Variants in DPP10 observed in about 807,000 individuals in gnomAD.
DPP10 encodes inactive dipeptidyl peptidase 10.
Under a neutral mutation model 120.9 loss-of-function variants are expected in DPP10, and 33 were observed. That is an observed-to-expected ratio of 0.27 (90% confidence interval 0.21 to 0.37). DPP10 has a LOEUF of 0.37. Ranked by LOEUF, DPP10 falls within the 10% of genes least tolerant of loss-of-function variation. The pLI, the probability that DPP10 is intolerant of heterozygous loss-of-function variation, is 1.00. For synonymous variants in DPP10, 337 were observed against 326.1 expected, an observed-to-expected ratio of 1.03 and a Z score of -0.36; for missense variants, 816 against 942.8, an observed-to-expected ratio of 0.87 and a Z score of 1.76.
At chr2:115,100,399 T>C (rs2048624742) in intron 1 of DPP10, among the ~76,000 whole-genome samples, 1 of 152,094 alleles carries the variant, frequency 6.6e-6, no homozygotes, top group Admixed American at 6.5e-5. Context: ...CAGTGAGTTA[T>C]AATCTTGCCA....
intron 1 of DPP10, among the ~76,000 whole-genome samples, chr2:114,648,895 T>C (rs1196584960): frequency 2.6e-5 from 4 of 152,152 alleles, no homozygotes; most frequent in African/African-American, 9.7e-5. Context: ...CAGAGGAAAA[T>C]GTGGGAAAAT....
At chr2:114,740,388 A>G (rs750020258) in intron 1 of DPP10, among the ~76,000 whole-genome samples, 4 of 144,044 alleles carry the variant, frequency 2.8e-5, no homozygotes, top group Admixed American at 6.9e-5. Flanking sequence ...GGATAGCATT[A>G]GGAGATATAC....
chr2:115,625,398 A>T (rs1169208614), intron 5 of DPP10, among the ~76,000 whole-genome samples: 1 of 152,152 alleles, frequency 6.6e-6, no homozygotes, highest in Non-Finnish European at 1.5e-5. Flanking sequence ...AGCCAGATCA[A>T]ATTGATATGA....
intron 1 of DPP10, among the ~76,000 whole-genome samples, chr2:114,721,510 A>G (rs1264604763): frequency 6.6e-6 from 1 of 152,220 alleles, no homozygotes; most frequent in Admixed American, 6.5e-5. Flanking sequence ...AAAGAAGCAT[A>G]ACTGACTTAG....
At chr2:115,309,211 T>TA (rs1476749255) in intron 1 of DPP10, 28 bp from the exon 2 acceptor site, 1 of 1,585,992 alleles carries the variant, frequency 6.3e-7, no homozygotes, top group South Asian at 1.1e-5. Flanking sequence ...CATGAATAAT[T>TA]ACAAAACTTT....
At chr2:115,594,720 C>G (rs2082886070) in intron 5 of DPP10, among the ~76,000 whole-genome samples, 1 of 152,124 alleles carries the variant, frequency 6.6e-6, no homozygotes, top group African/African-American at 2.4e-5. Context: ...TGATAAACCA[C>G]TTTTTGAGGA....
intron 1 of DPP10, among the ~76,000 whole-genome samples, chr2:115,103,873 C>T (rs2048818526): frequency 6.6e-6 from 1 of 152,124 alleles, no homozygotes; most frequent in South Asian, 2.1e-4. Context: ...ATCCAAAATG[C>T]TTAGGACCAG....
At position 115,690,292 on chromosome 2, in the gene DPP10, A is replaced by C. The variant is rs6733121; in HGVS notation, c.576+371A>C. ...TTTCTTAAAGCATTGTTCAGGGTAA[A>C]AATTTAGACAGAATTATTTAATATT... On this transcript the variant is annotated intron_variant, in intron 7 of 25. Transcript: ENST00000410059. Among the ~76,000 whole-genome samples, 648 of 152,298 alleles carry C rather than the reference A, an allele frequency of 4.3e-3. 6 individuals are homozygous for C. Among genetic ancestry groups the C allele is most frequent in the African/African-American group, 0.015 (625 of 41,568 alleles).
intron 1 of DPP10, among the ~76,000 whole-genome samples, chr2:114,904,018 T>C (rs1447426899): frequency 6.6e-6 from 1 of 152,244 alleles, no homozygotes; most frequent in Admixed American, 6.5e-5. Context: ...AAATAGATTT[T>C]GGTACCAGGA....
At chr2:114,475,299 T>C (rs1450777818) in intron 1 of DPP10, among the ~76,000 whole-genome samples, 1 of 152,208 alleles carries the variant, frequency 6.6e-6, no homozygotes, top group Non-Finnish European at 1.5e-5. Context: ...GTGAGGGTGC[T>C]ATATAATATT....
At chr2:114,453,755 G>C (rs1441672019) in intron 1 of DPP10, among the ~76,000 whole-genome samples, 1 of 152,054 alleles carries the variant, frequency 6.6e-6, no homozygotes, top group Non-Finnish European at 1.5e-5. Context: ...TTTGACTTTT[G>C]TTTGCTATAT....
At chr2:114,477,728 T>G (rs774224744) in intron 1 of DPP10, among the ~76,000 whole-genome samples, 1 of 151,182 alleles carries the variant, frequency 6.6e-6, no homozygotes, top group Admixed American at 6.6e-5. Context: ...TATATACATA[T>G]ATACACATAC....
intron 1 of DPP10, among the ~76,000 whole-genome samples, chr2:114,801,049 G>C (rs746717766): frequency 1.3e-5 from 2 of 151,942 alleles, no homozygotes; most frequent in Non-Finnish European, 2.9e-5. Flanking sequence ...AGATCACGAG[G>C]TCAGGAGATC....
At chr2:115,006,546 A>G (rs1381369069) in intron 1 of DPP10, among the ~76,000 whole-genome samples, 1 of 149,226 alleles carries the variant, frequency 6.7e-6, no homozygotes, top group South Asian at 2.2e-4. Flanking sequence ...ATGGAAAACA[A>G]AAAAAGGCAG....
rs144955333 is a variant in DPP10 at position 114,718,583 on chromosome 2, G to A, written c.60+275745G>A. On this transcript the variant is annotated intron_variant, in intron 1 of 25. Transcript: ENST00000410059. Reference sequence around the variant, plus strand: ...TAAGAACCAATGTTTTTGGTCACAGGTAACTTGGTAAGAGAAGTTTGACAC... The same window carrying A: ...TAAGAACCAATGTTTTTGGTCACAGATAACTTGGTAAGAGAAGTTTGACAC... Among the ~76,000 whole-genome samples, 537 of 152,158 alleles carry A rather than the reference G, an allele frequency of 3.5e-3. 3 individuals carry two copies. Among genetic ancestry groups the A allele is most frequent in the African/African-American group, 0.012 (504 of 41,510 alleles).
chr2:115,556,636 A>G (rs1443978565), intron 5 of DPP10, among the ~76,000 whole-genome samples: 1 of 152,062 alleles, frequency 6.6e-6, no homozygotes, highest in South Asian at 2.1e-4. Flanking sequence ...ATTCACTTTC[A>G]AGCACCCGTT....
chr2:115,710,877 ACC>A, intron 7 of DPP10, among the ~76,000 whole-genome samples: 1 of 152,222 alleles, frequency 6.6e-6, no homozygotes, highest in South Asian at 2.1e-4. Context: ...AAAGGTCATA[ACC>A]TTCAATAATA....
chr2:115,173,456 A>G (rs1001741231), intron 1 of DPP10, among the ~76,000 whole-genome samples: 1 of 152,210 alleles, frequency 6.6e-6, no homozygotes, highest in African/African-American at 2.4e-5. Flanking sequence ...CTGTAACAAG[A>G]AAAAGGTATT....
rs910031178 is a variant in DPP10, at chr2:114,459,095, A to G, written c.60+16257A>G. Among the ~76,000 whole-genome samples, 6 of 152,342 alleles carry G rather than the reference A, an allele frequency of 3.9e-5. No homozygotes were observed. The South Asian group carries it at 1.0e-3, about 26-fold the overall frequency. On this transcript the variant is annotated intron_variant, in intron 1 of 25. Transcript: ENST00000410059. ...ACAATCATCAATTAAGTAAATTTCT[A>G]AAAATGTTAAGGAATGTATAACACA...
Sources: allele counts gnomAD v4.1 joint callset (sites outside exome capture counted in the v4.1 genomes callset), GRCh38; gene constraint gnomAD v4.1.1; transcripts MANE v1.5; gene names NCBI Gene and HGNC (gene_info 2026-07-23, HGNC 2026-07-21).